Variants in AGBL1 observed in about 807,000 individuals in gnomAD.
AGBL1 encodes AGBL carboxypeptidase 1.
In AGBL1, 130 loss-of-function variants were observed where a neutral mutation model predicts 118.9. The ratio of observed to expected loss-of-function variants is 1.09; its 90% CI spans 0.95 to 1.26. The LOEUF is 1.26. Among genes scored for constraint, AGBL1 ranks in the 50% most tolerant of loss-of-function variants. The pLI is 0.00. For synonymous variants in AGBL1, 555 were observed against 478.9 expected, an observed-to-expected ratio of 1.16 and a Z score of -2.08; for missense variants, 1,584 against 1,298.1, an observed-to-expected ratio of 1.22 and a Z score of -3.38.
At chr15:86,986,314 A>G (rs958426334) in intron 23 of AGBL1, among the ~76,000 whole-genome samples, 3 of 152,212 alleles carry the variant, frequency 2.0e-5, no homozygotes, top group African/African-American at 7.2e-5. Context: ...ATAAAAATCA[A>G]TTGACATGTG....
At chr15:86,577,977 C>G (rs768341520) in intron 21 of AGBL1, among the ~76,000 whole-genome samples, 31 of 152,178 alleles carry the variant, frequency 2.0e-4, no homozygotes, top group Admixed American at 3.9e-4. Context: ...TGGGTTGGAA[C>G]CCCCACACAG....
intron 5 of AGBL1, among the ~76,000 whole-genome samples, chr15:86,197,723 A>G (rs376380461): frequency 6.6e-6 from 1 of 152,210 alleles, no homozygotes; most frequent in East Asian, 1.9e-4. Context: ...GAGAACACTA[A>G]GAGTATGGCT....
intron 5 of AGBL1, among the ~76,000 whole-genome samples, chr15:86,217,664 C>T (rs2078211432): frequency 6.6e-6 from 1 of 152,140 alleles, no homozygotes; most frequent in South Asian, 2.1e-4. Context: ...AGGCCCAGGG[C>T]ATTTTAGGCT....
chr15:86,802,931 G>C (rs1021408148), intron 22 of AGBL1, among the ~76,000 whole-genome samples: 1 of 152,112 alleles, frequency 6.6e-6, no homozygotes, highest in Non-Finnish European at 1.5e-5. Context: ...TTTTCATGAC[G>C]TAAGATAGGT....
intron 21 of AGBL1, among the ~76,000 whole-genome samples, chr15:86,649,762 CT>C (rs1223921649): frequency 0.015 from 2,026 of 133,676 alleles, 44 homozygotes; most frequent in African/African-American, 0.05. Context: ...ATTCAACATT[CT>C]TTTTTTTTTT....
In AGBL1 at chr15:86,627,514, A is replaced by C. The variant is rs1396482482; in HGVS notation, c.2995-46759A>C. On this transcript the variant is annotated intron_variant, in intron 21 of 22. Coordinates refer to ENST00000614907, the MANE Select transcript of AGBL1 (RefSeq NM_001386094.1). ...CTGGAGTATTAGAGACAGGGCAAAC[A>C]GATGGTGGAGTTTTTAAGCCTCAGT... Among the ~76,000 whole-genome samples the C allele has an allele frequency of 5.3e-5, 8 of 152,222 alleles. No homozygotes were observed. In the East Asian group the frequency reaches 1.5e-3, roughly 29 times the overall value.
chr15:86,995,721 T>A (rs2081373422), intron 24 of AGBL1, among the ~76,000 whole-genome samples: 1 of 152,208 alleles, frequency 6.6e-6, no homozygotes, highest in African/African-American at 2.4e-5. Flanking sequence ...AGTTTTTAAT[T>A]TTAACAATTT....
At chr15:86,331,333 C>G (rs968088771) in intron 17 of AGBL1, among the ~76,000 whole-genome samples, 1 of 151,674 alleles carries the variant, frequency 6.6e-6, no homozygotes, top group East Asian at 1.9e-4. Flanking sequence ...CTCTTCTTCT[C>G]TCCTGAGAGA....
intron 18 of AGBL1, among the ~76,000 whole-genome samples, chr15:86,502,078 A>T (rs895002445): frequency 2.6e-5 from 4 of 151,604 alleles, no homozygotes; most frequent in African/African-American, 9.7e-5. Context: ...TGAGTACAGG[A>T]TATCTTACAT....
At chr15:87,015,959 CA>C (rs1243475789) in intron 24 of AGBL1, among the ~76,000 whole-genome samples, 1 of 152,122 alleles carries the variant, frequency 6.6e-6, no homozygotes, top group Non-Finnish European at 1.5e-5. Flanking sequence ...TACACATAAG[CA>C]GCTGTTTTAA....
At chr15:86,391,723 G>A (rs1034726823) in intron 17 of AGBL1, among the ~76,000 whole-genome samples, 2 of 145,480 alleles carry the variant, frequency 1.4e-5, no homozygotes, top group African/African-American at 5.2e-5. Context: ...CCCAGAAAGG[G>A]CTGCAGAAGC....
At chr15:86,555,476 G>A (rs1353681109) in intron 21 of AGBL1, among the ~76,000 whole-genome samples, 1 of 152,158 alleles carries the variant, frequency 6.6e-6, no homozygotes, top group Non-Finnish European at 1.5e-5. Context: ...TTCTCATGTA[G>A]TCGAAGATTT....
intron 5 of AGBL1, among the ~76,000 whole-genome samples, chr15:86,194,428 C>A (rs2077768586): frequency 6.6e-6 from 1 of 152,150 alleles, no homozygotes; most frequent in Non-Finnish European, 1.5e-5. Context: ...CTTTTGCTTT[C>A]CACTATCCTT....
At chr15:86,748,807 A>G (rs1377400812) in intron 22 of AGBL1, among the ~76,000 whole-genome samples, 3 of 151,976 alleles carry the variant, frequency 2.0e-5, no homozygotes, top group Admixed American at 6.6e-5. Flanking sequence ...TATGTCAAAG[A>G]TCAGATGGTT....
intron 17 of AGBL1, among the ~76,000 whole-genome samples, chr15:86,332,411 C>G (rs112720253): frequency 0.036 from 5,436 of 152,158 alleles, 316 homozygotes; most frequent in African/African-American, 0.12. Context: ...CTTTGGGAGG[C>G]TGAGGTGGGC....
chr15:86,285,081 A>G (rs373799982), intron 16 of AGBL1, among the ~76,000 whole-genome samples: 3 of 152,278 alleles, frequency 2.0e-5, no homozygotes, highest in South Asian at 4.1e-4. Context: ...CCAATTAGGC[A>G]TAACTTTTCT....
chr15:86,983,292 G>C (rs984981174), intron 23 of AGBL1, among the ~76,000 whole-genome samples: 1 of 151,884 alleles, frequency 6.6e-6, no homozygotes, highest in African/African-American at 2.4e-5. Context: ...ATTAATCTTT[G>C]TCACTTATAT....
intron 21 of AGBL1, among the ~76,000 whole-genome samples, chr15:86,611,691 C>T (rs575736299): frequency 1.5e-5 from 2 of 132,878 alleles, no homozygotes; most frequent in South Asian, 4.9e-4. Context: ...AGAAAGACAA[C>T]GTACATTTCT....
chr15:86,670,163 A>G (rs768608451), intron 21 of AGBL1, among the ~76,000 whole-genome samples: 1 of 151,918 alleles, frequency 6.6e-6, no homozygotes, highest in African/African-American at 2.4e-5. Context: ...ATTTTGGTTC[A>G]GTTTATTAGG....
Sources: gnomAD v4.1 joint callset for allele counts (sites outside exome capture counted in the v4.1 genomes callset) on GRCh38, gnomAD v4.1.1 for gene constraint, MANE v1.5 for transcripts, NCBI Gene and HGNC (gene_info 2026-07-23, HGNC 2026-07-21) for gene names.